MRPL42: variants seen among roughly 807,000 people sequenced by gnomAD.
MRPL42 encodes mitochondrial ribosomal protein L42.
A neutral mutation model predicts 17.9 loss-of-function variants in MRPL42; 17 were observed. The observed-to-expected ratio is 0.95, with a 90% CI of 0.65 to 1.42. The LOEUF (loss-of-function observed/expected upper bound fraction) is 1.42. MRPL42 is among the 40% of genes most tolerant of loss of function. The pLI, the probability that MRPL42 is intolerant of heterozygous loss-of-function variation, is 0.00. For missense variants in MRPL42, 177 were observed against 175.2 expected (o/e 1.01, Z -0.06); for synonymous variants, 59 against 54.4 (o/e 1.08, Z -0.37).
In MRPL42 at chr12:93,506,260, C is replaced by CTT. The variant is rs58440444; in HGVS notation, c.*5060_*5061dup. ...AGTCTTCAATTCAGCAAGAATGTCT[C>CTT]TTTTTTTTTTTTTTTTTTTTTTGGG... is the stretch of plus-strand genomic sequence containing the variant. On this transcript the variant is annotated 3_prime_UTR_variant, in exon 6 of 6. Transcript: ENST00000549982. The CTT allele has an allele frequency of 0.011, 944 of 87,752 alleles. 48 individuals carry two copies. The highest frequency in any genetic ancestry group is 0.046 in the African/African-American group (819 of 17,656). The allele number at this position is 87,752 out of a possible 1,614,324, so 5.4% of individuals were successfully genotyped here.
At chr12:93,478,937 TA>T (rs764663938) in intron 3 of MRPL42, among the ~76,000 whole-genome samples, 40,452 of 149,004 alleles carry the variant, frequency 0.27, 6,798 homozygotes, top group Non-Finnish European at 0.38. Context: ...TTTATTTATT[TA>T]TTTATTTTTT....
intron 3 of MRPL42, among the ~76,000 whole-genome samples, chr12:93,478,415 ATT>A (rs1032389344): frequency 6.8e-6 from 1 of 148,030 alleles, no homozygotes; most frequent in African/African-American, 2.5e-5. Flanking sequence ...CACCTGGCTA[ATT>A]TTTTTTTATT....
At chr12:93,472,325 C>G (rs932216061) in intron 2 of MRPL42, among the ~76,000 whole-genome samples, 3 of 152,130 alleles carry the variant, frequency 2.0e-5, no homozygotes, top group Non-Finnish European at 4.4e-5. Context: ...CAGGGTGGCT[C>G]ACACCTGTAA....
chr12:93,499,800 G>A (rs1953557745), intron 5 of MRPL42, among the ~76,000 whole-genome samples: 1 of 152,114 alleles, frequency 6.6e-6, no homozygotes, highest in Non-Finnish European at 1.5e-5. Context: ...TCAGGAAGTT[G>A]CCCATATGAA....
intron 2 of MRPL42, among the ~76,000 whole-genome samples, chr12:93,476,058 A>G (rs1880157553): frequency 6.6e-6 from 1 of 152,216 alleles, no homozygotes; most frequent in East Asian, 1.9e-4. Context: ...CTAAAAAAGG[A>G]AAATATGCTT....
intron 5 of MRPL42, among the ~76,000 whole-genome samples, chr12:93,495,783 A>C (rs534642127): frequency 4.1e-4 from 62 of 152,218 alleles, no homozygotes; most frequent in Non-Finnish European, 5.7e-4. Context: ...ATCTTAACCC[A>C]CCTGTGACCC....
chr12:93,485,161 CTTTT>C (rs530566195), intron 4 of MRPL42, among the ~76,000 whole-genome samples: 1 of 130,928 alleles, frequency 7.6e-6, no homozygotes, highest in Non-Finnish European at 1.6e-5. Flanking sequence ...CCCACATTGC[CTTTT>C]TTTTTTTTTT....
In MRPL42 at chr12:93,501,279, T is replaced by A; in HGVS notation, c.*58T>A. ...GTGCCTCATTTGCCATTTGAGAAAA[T>A]GCAGTCTGGTGTATTCAGTAATATA... On this transcript the variant is annotated 3_prime_UTR_variant, in exon 6 of 6. Coordinates refer to ENST00000549982, the MANE Select transcript of MRPL42 (RefSeq NM_014050.4). 7.4e-7 allele frequency: 1 copy of A among 1,342,888 alleles called. No individual in the cohort carries two copies. The highest frequency in any genetic ancestry group is 1.0e-6 in the Non-Finnish European group (1 of 958,444). The allele number at this position is 1,342,888 out of a possible 1,614,324, so 83.2% of individuals were successfully genotyped here. A position where few individuals can be genotyped will look rare whatever the true frequency, so the allele number is the denominator to read the frequency against.
chr12:93,475,039 G>A (rs550950301), intron 2 of MRPL42, among the ~76,000 whole-genome samples: 2 of 152,166 alleles, frequency 1.3e-5, no homozygotes, highest in Non-Finnish European at 2.9e-5. Context: ...GTTGCAATGA[G>A]CTGAGATAGA....
rs1394759252 is a variant in MRPL42 at position 93,512,705 on chromosome 12, T to G, written c.*11484T>G. 6 of 152,404 alleles carry G rather than the reference T, an allele frequency of 3.9e-5. No homozygotes were observed. Among genetic ancestry groups the G allele is most frequent in the African/African-American group, 1.4e-4 (6 of 41,600 alleles). 9.4% of individuals were successfully genotyped at this position (152,404 alleles called of 1,614,324 possible). A position where few individuals can be genotyped will look rare whatever the true frequency, so the allele number is the denominator to read the frequency against. ...TAACAATTGTCATTGAAGTTGGTGA[T>G]TGTCTTGATATTGCACATCTGTAAG... On this transcript the variant is annotated 3_prime_UTR_variant, in exon 6 of 6. Coordinates refer to ENST00000549982, the MANE Select transcript of MRPL42 (RefSeq NM_014050.4).
At chr12:93,494,998 G>A (rs541169092) in intron 5 of MRPL42, among the ~76,000 whole-genome samples, 1 of 152,304 alleles carries the variant, frequency 6.6e-6, no homozygotes, top group African/African-American at 2.4e-5. Flanking sequence ...GGAAAATGGG[G>A]TGGAGCTTCG....
chr12:93,504,003 C>CTTTTTTTTTTT lies in MRPL42; in HGVS notation c.*2792_*2793insTTTTTTTTTTT, dbSNP rs35963955. The CTTTTTTTTTTT allele has an allele frequency of 6.8e-6, 1 of 147,232 alleles. No homozygotes were observed. Among genetic ancestry groups the CTTTTTTTTTTT allele is most frequent in the Non-Finnish European group, 1.5e-5 (1 of 66,806 alleles). 9.1% of individuals were successfully genotyped at this position (147,232 alleles called of 1,614,324 possible). A position where few individuals can be genotyped will look rare whatever the true frequency, so the allele number is the denominator to read the frequency against. On this transcript the variant is annotated 3_prime_UTR_variant, in exon 6 of 6. Coordinates refer to ENST00000549982, the MANE Select transcript of MRPL42 (RefSeq NM_014050.4). Reference sequence around the variant, plus strand: ...TATTTTTTTTTTAAATTTATTTCTTCTTTTTTTTTTCTTATAATCTCATCA... The same window carrying CTTTTTTTTTTT: ...TATTTTTTTTTTAAATTTATTTCTTCTTTTTTTTTTTTTTTTTTTTTCTTATAATCTCATCA...
chr12:93,483,825 T>C (rs1050358909), intron 4 of MRPL42, among the ~76,000 whole-genome samples: 12 of 152,244 alleles, frequency 7.9e-5, no homozygotes, highest in Admixed American at 2.0e-4. Context: ...TTTACTCTTT[T>C]GTAATAACAC....
rs755208246 is a variant in MRPL42, at chr12:93,479,406, G to C, written c.153G>C (p.Leu51=). The C allele has an allele frequency of 6.2e-7, 1 of 1,609,860 alleles. No individual in the cohort carries two copies. The highest frequency in any genetic ancestry group is 8.5e-7 in the Non-Finnish European group (1 of 1,178,110). The change falls in exon 4 of 6, where the codon CTG becomes CTC. Residue 51 remains leucine (L), a synonymous_variant. Transcript: ENST00000549982. ...DDYNCNVELA[L]TSDGRTIVCY... is the part of the protein sequence containing the mutation. The stretch of plus-strand genomic sequence containing the variant: ...TTTTTAGCAACGTAGAGCTTGCTCT[G>C]ACTTCTGATGGCAGGACAATAGTAT...
chr12:93,477,054 T>C, intron 3 of MRPL42, 37 bp downstream of exon 3: 4 of 1,361,122 alleles, frequency 2.9e-6, no homozygotes, highest in Non-Finnish European at 4.1e-6. Context: ...ATAATAGTCT[T>C]AGCTATAGCT....
chr12:93,486,787 T>G (rs1355594079), intron 4 of MRPL42, among the ~76,000 whole-genome samples: 1 of 152,160 alleles, frequency 6.6e-6, no homozygotes, highest in Admixed American at 6.5e-5. Context: ...ACTTTATTAC[T>G]GCAGAAAATA....
chr12:93,507,779 C>G lies in MRPL42; in HGVS notation c.*6558C>G, dbSNP rs185772303. The stretch of plus-strand genomic sequence containing the variant: ...ACTGTGTCTCTCATCATCCAGCAAG[C>G]TAGGCCTGGATTCTTCACATGGCTT... On this transcript the variant is annotated 3_prime_UTR_variant, in exon 6 of 6. Transcript: ENST00000549982. 1 of 152,428 alleles carries G rather than the reference C, an allele frequency of 6.6e-6. No individual in the cohort carries two copies. Among genetic ancestry groups the G allele is most frequent in the East Asian group, 1.9e-4 (1 of 5,180 alleles). 9.4% of individuals were successfully genotyped at this position (152,428 alleles called of 1,614,324 possible).
chr12:93,487,393 C>G, intron 4 of MRPL42, 104 bp from the exon 5 acceptor site: 1 of 1,044,598 alleles, frequency 9.6e-7, no homozygotes, highest in Non-Finnish European at 1.4e-6. Context: ...CCCTAAAGTA[C>G]TATAGTGAAT....
At position 93,516,054 on chromosome 12, in the gene MRPL42, T is replaced by C. The variant is rs1355413064; in HGVS notation, c.*14833T>C. 6.6e-6 allele frequency: 1 copy of C among 152,212 alleles called. No individual in the cohort carries two copies. The highest frequency in any genetic ancestry group is 1.9e-4 in the East Asian group (1 of 5,198). The allele number at this position is 152,212 out of a possible 1,614,324, so 9.4% of individuals were successfully genotyped here. A position where few individuals can be genotyped will look rare whatever the true frequency, so the allele number is the denominator to read the frequency against. ...ATCATGAAATTCTCCTTCTTTCTGA[T>C]AGTATCCAATCTGGAGCAAACCCGT... On this transcript the variant is annotated 3_prime_UTR_variant, in exon 6 of 6. Coordinates refer to ENST00000549982, the MANE Select transcript of MRPL42 (RefSeq NM_014050.4).
Sources: gnomAD v4.1 joint callset for allele counts (sites outside exome capture counted in the v4.1 genomes callset) on GRCh38, gnomAD v4.1.1 for gene constraint, MANE v1.5 for transcripts, NCBI Gene and HGNC (gene_info 2026-07-23, HGNC 2026-07-21) for gene names.